ITSN2: variants seen among roughly 807,000 people sequenced by gnomAD.
ITSN2 encodes the protein intersectin 2.
Under a neutral mutation model 243.7 loss-of-function variants are expected in ITSN2, and 156 were observed. That is an observed-to-expected ratio of 0.64 (90% CI 0.56 to 0.73). The LOEUF is 0.73. ITSN2 is among the 30% of genes least tolerant of loss of function. The pLI, the probability that ITSN2 is intolerant of heterozygous loss-of-function variation, is 0.00. For synonymous variants in ITSN2, 703 were observed against 699.9 expected (o/e 1.00, Z -0.07); for missense variants, 1,801 against 1,996.1 (o/e 0.90, Z 1.86).
At chr2:24,206,764 C>A (rs1323499814) in intron 37 of ITSN2, among the ~76,000 whole-genome samples, 1 of 151,968 alleles carries the variant, frequency 6.6e-6, no homozygotes, top group Admixed American at 6.6e-5. Flanking sequence ...AAAGCAGGGA[C>A]TGAGAGGGCG....
rs1320617515 is a variant in ITSN2, at chr2:24,303,344, A to G, written c.857+455T>C. 2.6e-5 allele frequency among the ~76,000 whole-genome samples: 4 copies of G among 152,348 alleles called. No homozygotes were observed. In the East Asian group the frequency reaches 7.7e-4, roughly 29 times the overall value. On this transcript the variant is annotated intron_variant, in intron 9 of 39. Coordinates refer to ENST00000355123, the MANE Select transcript of ITSN2 (RefSeq NM_006277.3). ...GATACTGATGATCTTGACCCTCTAC[A>G]GGCCTAAGCTAATGGGTGTCTTTGT...
chr2:24,286,453 C>A, intron 15 of ITSN2, 102 bp from the exon 16 acceptor site: 3 of 928,960 alleles, frequency 3.2e-6, no homozygotes, highest in South Asian at 2.8e-5. Flanking sequence ...TAGACCAATA[C>A]GAAGGATGTA....
chr2:24,306,377 C>A (rs190163396), intron 8 of ITSN2, among the ~76,000 whole-genome samples: 49 of 152,260 alleles, frequency 3.2e-4, no homozygotes, highest in Non-Finnish European at 5.3e-4. Flanking sequence ...GCCCCTTCCC[C>A]ACACAGTAAC....
At chr2:24,297,861 T>C (rs560942504) in intron 13 of ITSN2, among the ~76,000 whole-genome samples, 1 of 152,340 alleles carries the variant, frequency 6.6e-6, no homozygotes, top group East Asian at 1.9e-4. Flanking sequence ...AACATAATTC[T>C]CAGCATTTTG....
At chr2:24,290,466 TTTCA>T (rs1212028141) in intron 15 of ITSN2, among the ~76,000 whole-genome samples, 1 of 152,206 alleles carries the variant, frequency 6.6e-6, no homozygotes, top group African/African-American at 2.4e-5. Flanking sequence ...TTATGCTGTC[TTTCA>T]TTATGATGTT....
chr2:24,220,172 A>G (rs932473468), intron 30 of ITSN2: 49 of 219,826 alleles, frequency 2.2e-4, no homozygotes, highest in Non-Finnish European at 3.5e-4. Context: ...CCATTCAGCT[A>G]TGAAAGGCAT....
intron 34 of ITSN2, 76 bp downstream of exon 34, chr2:24,210,704 C>T (rs1363651740): frequency 4.9e-6 from 7 of 1,430,010 alleles, no homozygotes; most frequent in East Asian, 2.3e-5. Context: ...AGACTGTCCA[C>T]GTGAGGGAAG....
chr2:24,326,429 C>A (rs1685164455), intron 2 of ITSN2, among the ~76,000 whole-genome samples: 1 of 152,172 alleles, frequency 6.6e-6, no homozygotes, highest in Non-Finnish European at 1.5e-5. Flanking sequence ...GCTTATAAAA[C>A]TGATTAACAT....
intron 28 of ITSN2, 66 bp from the exon 29 acceptor site, chr2:24,246,386 G>T: frequency 1.1e-6 from 1 of 891,914 alleles, no homozygotes; most frequent in Non-Finnish European, 1.7e-6. Flanking sequence ...TCAATCATTT[G>T]TAATCTCCCT....
intron 24 of ITSN2, among the ~76,000 whole-genome samples, chr2:24,253,697 C>T (rs1674653001): frequency 6.6e-6 from 1 of 152,208 alleles, no homozygotes; most frequent in African/African-American, 2.4e-5. Flanking sequence ...ATTTTCCAGG[C>T]TCTAGCATAG....
intron 22 of ITSN2, among the ~76,000 whole-genome samples, chr2:24,258,530 T>A (rs576175246): frequency 6.6e-6 from 1 of 152,336 alleles, no homozygotes; most frequent in African/African-American, 2.4e-5. Context: ...AACTTCCTCC[T>A]ATTCTATTCT....
At chr2:24,227,439 T>A (rs1384151969) in intron 29 of ITSN2, among the ~76,000 whole-genome samples, 2 of 151,552 alleles carry the variant, frequency 1.3e-5, no homozygotes, top group Non-Finnish European at 2.9e-5. Context: ...AGACACATAA[T>A]GAAGGGCTTG....
chr2:24,317,074 T>C (rs1020206089), intron 2 of ITSN2, among the ~76,000 whole-genome samples: 3 of 152,188 alleles, frequency 2.0e-5, no homozygotes, highest in Admixed American at 6.5e-5. Context: ...AACAGTATTT[T>C]GGCTTTACGT....
At chr2:24,352,495 G>C (rs928499600) in intron 1 of ITSN2, among the ~76,000 whole-genome samples, 2 of 151,912 alleles carry the variant, frequency 1.3e-5, no homozygotes, top group Non-Finnish European at 1.5e-5. Flanking sequence ...AGAGGCTTAG[G>C]GTCCCAAATA....
chr2:24,284,105 T>C (rs530022890), intron 17 of ITSN2, among the ~76,000 whole-genome samples: 1 of 152,364 alleles, frequency 6.6e-6, no homozygotes, highest in South Asian at 2.1e-4. Context: ...GTAGTCAAAA[T>C]CTACTAGAGT....
At chr2:24,357,474 T>G (rs1688552462) in intron 1 of ITSN2, among the ~76,000 whole-genome samples, 1 of 151,662 alleles carries the variant, frequency 6.6e-6, no homozygotes. Flanking sequence ...GGACCTGTTG[T>G]GGGGGGGCAA....
In ITSN2 at chr2:24,220,943, A is replaced by T. The variant is rs755098662; in HGVS notation, c.3699+2T>A. On this transcript the variant is annotated splice_donor_variant, in intron 30 of 39. Coordinates refer to ENST00000355123, the MANE Select transcript of ITSN2 (RefSeq NM_006277.3). LOFTEE classifies it high-confidence loss of function. ...AGAGCTAGCCAGCAGCAGCCTCCTCACCTCGACGACGAGCTGAAGGTCAGC... is the reference window on the plus strand; with the variant it reads ...AGAGCTAGCCAGCAGCAGCCTCCTCTCCTCGACGACGAGCTGAAGGTCAGC... The T allele has an allele frequency of 2.5e-6, 4 of 1,595,296 alleles. No individual in the cohort carries two copies. The Admixed American group carries it at 7.1e-5, about 28-fold the overall frequency.
intron 2 of ITSN2, among the ~76,000 whole-genome samples, chr2:24,317,811 G>A (rs766924330): frequency 6.6e-6 from 1 of 152,196 alleles, no homozygotes; most frequent in Non-Finnish European, 1.5e-5. Context: ...GCCAAACTGT[G>A]ACTTGGGGAT....
chr2:24,241,887 C>T (rs983822272), intron 29 of ITSN2: 1 of 152,518 alleles, frequency 6.6e-6, no homozygotes, highest in African/African-American at 2.4e-5. Context: ...TGAACTCCCA[C>T]CACATAAGGG....
Sources: allele counts gnomAD v4.1 joint callset (sites outside exome capture counted in the v4.1 genomes callset), GRCh38; gene constraint gnomAD v4.1.1; transcripts MANE v1.5; gene names NCBI Gene and HGNC (gene_info 2026-07-23, HGNC 2026-07-21).